SLC25A30: variants seen among roughly 807,000 people sequenced by gnomAD.
The protein encoded by SLC25A30 is kidney mitochondrial carrier protein 1.
A neutral mutation model predicts 42.7 loss-of-function variants in SLC25A30; 29 were observed. The observed-to-expected ratio is 0.68, with a 90% CI of 0.51 to 0.93. The LOEUF is 0.93. Ranked by LOEUF, SLC25A30 falls within the 40% of genes least tolerant of loss-of-function variation. The pLI, the probability that SLC25A30 is intolerant of heterozygous loss-of-function variation, is 0.00. For synonymous variants in SLC25A30, 124 were observed against 131.0 expected, an observed-to-expected ratio of 0.95 and a Z score of 0.37; for missense variants, 300 against 359.7, an observed-to-expected ratio of 0.83 and a Z score of 1.34.
upstream of SLC25A30, among the ~76,000 whole-genome samples, chr13:45,423,418 T>C (rs1883944136): frequency 6.7e-6 from 1 of 148,738 alleles, no homozygotes; most frequent in East Asian, 1.9e-4. Flanking sequence ...TGGTATCTTT[T>C]TAATTTTTAT....
At chr13:45,396,052 A>C (rs1382697728) in intron 9 of SLC25A30, 37 bp from the exon 10 acceptor site, 1 of 1,614,208 alleles carries the variant, frequency 6.2e-7, no homozygotes, top group East Asian at 2.2e-5. Flanking sequence ...AGAAAATGCC[A>C]TCTTCACAAC....
rs570078593 is a variant in SLC25A30, at chr13:45,412,173, G to A, written c.-55-693C>T. Reference sequence around the variant, plus strand: ...CTCACCCTGTCACAAAGACTAGAGCGTAGTGGCACAAACATGGCTCACCGT... The same window carrying A: ...CTCACCCTGTCACAAAGACTAGAGCATAGTGGCACAAACATGGCTCACCGT... On this transcript the variant is annotated intron_variant, in intron 1 of 9. Coordinates refer to ENST00000519676, the MANE Select transcript of SLC25A30 (RefSeq NM_001010875.4). Among the ~76,000 whole-genome samples the A allele has an allele frequency of 2.4e-4, 37 of 151,732 alleles. 1 individual carries two copies. The highest frequency in any genetic ancestry group is 1.6e-3 in the Admixed American group (25 of 15,242).
intron 1 of SLC25A30, among the ~76,000 whole-genome samples, chr13:45,412,649 T>C (rs988729181): frequency 6.6e-6 from 1 of 152,190 alleles, no homozygotes; most frequent in African/African-American, 2.4e-5. Context: ...GTTAAATAAA[T>C]GTCAAGCTGT....
At chr13:45,413,353 CTG>C (rs1024138951) in intron 1 of SLC25A30, among the ~76,000 whole-genome samples, 5 of 152,186 alleles carry the variant, frequency 3.3e-5, no homozygotes, top group African/African-American at 1.2e-4. Context: ...TTGTAAGAGA[CTG>C]TAAGAACCTA....
the SLC25A30 span, among the ~76,000 whole-genome samples, chr13:45,423,878 T>TA: frequency 1.5e-5 from 1 of 68,832 alleles, no homozygotes; most frequent in Non-Finnish European, 2.7e-5. Context: ...ATAAAATATA[T>TA]AAAAATATAT....
chr13:45,405,612 A>G lies in SLC25A30; in HGVS notation c.307+271T>C, dbSNP rs1414532531. On this transcript the variant is annotated intron_variant, in intron 4 of 9. Coordinates refer to ENST00000519676, the MANE Select transcript of SLC25A30 (RefSeq NM_001010875.4). ...TAGCAAATTTTAAGTTGGATGGAAT[A>G]GTAACAACACATCCCCTGGTCTAGG... Among the ~76,000 whole-genome samples the G allele has an allele frequency of 3.3e-5, 5 of 152,238 alleles. No individual in the cohort carries two copies. The South Asian group carries it at 1.0e-3, about 31-fold the overall frequency.
chr13:45,424,430 T>TCTATATAA, the SLC25A30 span, among the ~76,000 whole-genome samples: 2 of 59,534 alleles, frequency 3.4e-5, 1 homozygote, highest in Non-Finnish European at 5.6e-5. Context: ...TATATGAATA[T>TCTATATAA]ATATATAAAT....
the SLC25A30 span, among the ~76,000 whole-genome samples, chr13:45,425,460 A>G: frequency 2.0e-5 from 2 of 101,420 alleles, no homozygotes; most frequent in South Asian, 2.6e-4. Flanking sequence ...ATAAGTGTAT[A>G]TATAAATATA....
the SLC25A30 span, among the ~76,000 whole-genome samples, chr13:45,426,593 C>T: frequency 1.3e-5 from 2 of 152,016 alleles, no homozygotes; most frequent in Non-Finnish European, 2.9e-5. Context: ...GTTTCCTGAG[C>T]CTGTTGGGGT....
chr13:45,393,619 G>A lies in SLC25A30; in HGVS notation c.*2355C>T. 2.0e-6 allele frequency: 2 copies of A among 985,350 alleles called. No individual in the cohort carries two copies. Among genetic ancestry groups the A allele is most frequent in the Non-Finnish European group, 2.4e-6 (2 of 829,900 alleles). The allele number at this position is 985,350 out of a possible 1,614,324, so 61.0% of individuals were successfully genotyped here. ...GGCATATTTAAGAAAACCCAAAGGT[G>A]GGGAGGTACTTATAGCCAGAACCCT... On this transcript the variant is annotated 3_prime_UTR_variant, in exon 10 of 10. Transcript: ENST00000519676.
upstream of SLC25A30, among the ~76,000 whole-genome samples, chr13:45,420,891 A>T (rs1472944899): frequency 1.3e-5 from 2 of 151,936 alleles, no homozygotes; most frequent in African/African-American, 4.8e-5. Context: ...AGAAAACTGA[A>T]TTTTTTAAAA....
In SLC25A30 at chr13:45,404,402, TAG is replaced by T. The variant is rs1478242625; in HGVS notation, c.316_317del (p.Leu106ThrfsTer19). 2 of 1,611,464 alleles carry T rather than the reference TAG, an allele frequency of 1.2e-6. No individual in the cohort carries two copies. The highest frequency in any genetic ancestry group is 1.7e-6 in the Non-Finnish European group (2 of 1,177,768). ...LFIERPEDET[L>X]PINVICGILS... ...GAATTCCACATATCACATTTATCGG[TAG>T]AGTTTCATCTGTAAACAATGACACA... is the stretch of plus-strand genomic sequence containing the variant. On this transcript the variant is annotated frameshift_variant, in exon 5 of 10. Transcript: ENST00000519676. LOFTEE classifies it high-confidence loss of function.
At chr13:45,411,165 C>G (rs535225825) in intron 2 of SLC25A30, among the ~76,000 whole-genome samples, 197 bp downstream of exon 2, 1 of 152,058 alleles carries the variant, frequency 6.6e-6, no homozygotes, top group Non-Finnish European at 1.5e-5. Flanking sequence ...GTGTCGAACT[C>G]CTGGACTCAA....
chr13:45,399,097 A>G lies in SLC25A30; in HGVS notation c.615-19T>C, dbSNP rs754209240. The G allele has an allele frequency of 3.1e-5, 10 of 325,226 alleles. No homozygotes were observed. In the South Asian group the frequency reaches 3.9e-4, roughly 13 times the overall value. The allele number at this position is 325,226 out of a possible 1,614,324, so 20.1% of individuals were successfully genotyped here. A position where few individuals can be genotyped will look rare whatever the true frequency, so the allele number is the denominator to read the frequency against. ...GCTTGAGCTATAAAGACACCATTGG[A>G]AAAAAAAAAAAAAGTTAACCATCAC... On this transcript the variant is annotated intron_variant, in intron 7 of 9. Coordinates refer to ENST00000519676, the MANE Select transcript of SLC25A30 (RefSeq NM_001010875.4).
chr13:45,419,305 A>G (rs1883809433), upstream of SLC25A30, among the ~76,000 whole-genome samples: 1 of 151,102 alleles, frequency 6.6e-6, no homozygotes, highest in African/African-American at 2.4e-5. Context: ...GTTCAAGCAT[A>G]CCCAGGTATA....
At chr13:45,424,181 A>C in the SLC25A30 span, among the ~76,000 whole-genome samples, 1 of 96,144 alleles carries the variant, frequency 1.0e-5, no homozygotes, top group African/African-American at 4.3e-5. Flanking sequence ...ATATATATAA[A>C]TATTTATGAA....
upstream of SLC25A30, among the ~76,000 whole-genome samples, chr13:45,423,264 A>C (rs1023881148): frequency 2.0e-5 from 3 of 151,884 alleles, no homozygotes; most frequent in Non-Finnish European, 4.4e-5. Flanking sequence ...AGTCCTGCTA[A>C]AAAGTACTTC....
the SLC25A30 span, among the ~76,000 whole-genome samples, chr13:45,428,716 T>C: frequency 6.6e-6 from 1 of 151,012 alleles, no homozygotes; most frequent in African/African-American, 2.4e-5. Context: ...AGAGACAGGG[T>C]TTCACCATGT....
chr13:45,411,398 C>A lies in SLC25A30; in HGVS notation c.28G>T (p.Val10Leu), dbSNP rs1476639889. 2 of 1,614,186 alleles carry A rather than the reference C, an allele frequency of 1.2e-6. No homozygotes were observed. Among genetic ancestry groups the A allele is most frequent in the East Asian group, 4.5e-5 (2 of 44,880 alleles). MSALNWKPF[V>L]YGGLASITAE... Reference sequence around the variant, plus strand: ...GTGATGGAGGCCAGCCCCCCGTACACAAACGGCTTCCAGTTGAGGGCTGAC... The same window carrying A: ...GTGATGGAGGCCAGCCCCCCGTACAAAAACGGCTTCCAGTTGAGGGCTGAC... Residue 10 changes from valine (V) to leucine (L), a missense_variant, in exon 2 of 10, where the codon GTG (valine) becomes TTG (leucine). Transcript: ENST00000519676.
Sources: gnomAD v4.1 joint callset for allele counts (sites outside exome capture counted in the v4.1 genomes callset) on GRCh38, gnomAD v4.1.1 for gene constraint, MANE v1.5 for transcripts, NCBI Gene and HGNC (gene_info 2026-07-23, HGNC 2026-07-21) for gene names.